ALS2: variants seen among roughly 807,000 people sequenced by gnomAD.
ALS2 encodes the protein alsin Rho guanine nucleotide exchange factor ALS2, also known as alsin.
In ALS2, 117 loss-of-function variants were observed where a neutral mutation model predicts 203.4. That is an observed-to-expected ratio of 0.58 (90% CI 0.50 to 0.67). ALS2 has a LOEUF of 0.67. Among genes scored for constraint, ALS2 ranks in the 30% least tolerant of loss-of-function variants. The pLI, the probability that ALS2 is intolerant of heterozygous loss-of-function variation, is 0.00. For synonymous variants in ALS2, 718 were observed against 725.9 expected, an observed-to-expected ratio of 0.99 and a Z score of 0.17; for missense variants, 1,715 against 1,989.4, an observed-to-expected ratio of 0.86 and a Z score of 2.62.
chr2:201,780,241 A>G (rs1694835790), intron 1 of ALS2, among the ~76,000 whole-genome samples: 1 of 152,240 alleles, frequency 6.6e-6, no homozygotes, highest in South Asian at 2.1e-4. Context: ...CACCAGCGTC[A>G]AGGACCTGTG....
chr2:201,775,908 G>C (rs1193976776), intron 1 of ALS2, among the ~76,000 whole-genome samples: 3 of 152,196 alleles, frequency 2.0e-5, no homozygotes, highest in African/African-American at 7.2e-5. Flanking sequence ...CTGGAGGTCA[G>C]AGACTATGAC....
chr2:201,709,877 T>G lies in ALS2; in HGVS notation c.4280+4A>C. On this transcript the variant is annotated splice_donor_region_variant and intron_variant, in intron 27 of 33. Coordinates refer to ENST00000264276, the MANE Select transcript of ALS2 (RefSeq NM_020919.4). ...CCGCAGACTTTAGTGAAAAGCTCTC[T>G]TACCTCACCAGCTGGAAAATTCGCT... The G allele has an allele frequency of 6.2e-7, 1 of 1,614,058 alleles. No individual in the cohort carries two copies. Among genetic ancestry groups the G allele is most frequent in the African/African-American group, 1.3e-5 (1 of 75,052 alleles).
At position 201,704,441 on chromosome 2, in the gene ALS2, A is replaced by G. The variant is rs377218529; in HGVS notation, c.4838+13T>C. 3 of 1,614,108 alleles carry G rather than the reference A, an allele frequency of 1.9e-6. No individual in the cohort carries two copies. The highest frequency in any genetic ancestry group is 2.5e-6 in the Non-Finnish European group (3 of 1,179,974). ...ATAACGACTCACTAATAACAAAGTC[A>G]TAAAACAGTTACCTGGCCCGTAGCA... On this transcript the variant is annotated intron_variant, in intron 32 of 33. Coordinates refer to ENST00000264276, the MANE Select transcript of ALS2 (RefSeq NM_020919.4).
At chr2:201,703,674 G>A (rs762498112) in intron 33 of ALS2, among the ~76,000 whole-genome samples, 1 of 152,236 alleles carries the variant, frequency 6.6e-6, no homozygotes, top group South Asian at 2.1e-4. Context: ...GATCAAAGAA[G>A]CTCATTTGTA....
chr2:201,735,012 A>G (rs1025075627), intron 12 of ALS2, among the ~76,000 whole-genome samples: 10 of 152,228 alleles, frequency 6.6e-5, no homozygotes, highest in African/African-American at 2.4e-4. Context: ...ATACAAGAGA[A>G]TATTATTCAG....
At chr2:201,713,585 A>G (rs1358681851) in intron 25 of ALS2, among the ~76,000 whole-genome samples, 1 of 152,136 alleles carries the variant, frequency 6.6e-6, no homozygotes, top group East Asian at 1.9e-4. Context: ...TTCCATTGCC[A>G]TCTCTATTCT....
At chr2:201,763,765 A>G (rs1196610424) in intron 3 of ALS2, among the ~76,000 whole-genome samples, 2 of 152,200 alleles carry the variant, frequency 1.3e-5, no homozygotes, top group Non-Finnish European at 2.9e-5. Flanking sequence ...CTATGCTACC[A>G]AGTCTTAATT....
At chr2:201,712,942 A>G (rs6734797) in intron 25 of ALS2, among the ~76,000 whole-genome samples, 135,986 of 152,078 alleles carry the variant, frequency 0.89, 61,013 homozygotes, top group East Asian at 0.98. Flanking sequence ...TTTCACTCTA[A>G]CTGCTTTCAA....
chr2:201,711,931 T>C (rs1574669037), intron 25 of ALS2, among the ~76,000 whole-genome samples: 1 of 152,212 alleles, frequency 6.6e-6, no homozygotes, highest in East Asian at 1.9e-4. Flanking sequence ...CAGGCTGTAC[T>C]AAGCTGACCA....
At chr2:201,730,988 C>T (rs1189634184) in intron 13 of ALS2, among the ~76,000 whole-genome samples, 1 of 152,144 alleles carries the variant, frequency 6.6e-6, no homozygotes, top group Non-Finnish European at 1.5e-5. Flanking sequence ...ACCTTGTGAA[C>T]CCCTTGAAAT....
intron 1 of ALS2, among the ~76,000 whole-genome samples, chr2:201,775,006 C>G (rs1034327475): frequency 3.5e-4 from 53 of 152,136 alleles, no homozygotes; most frequent in African/African-American, 1.2e-3. Context: ...TTTACACTAG[C>G]AAAACTGGGC....
intron 1 of ALS2, among the ~76,000 whole-genome samples, chr2:201,777,857 GTA>G (rs1237946277): frequency 8.5e-5 from 13 of 152,110 alleles, no homozygotes; most frequent in Non-Finnish European, 1.9e-4. Context: ...TACTTGAGAT[GTA>G]TATATGTTGG....
chr2:201,728,627 TTCC>T lies in ALS2; in HGVS notation c.2723_2725del (p.Arg908del). Reference sequence around the variant, plus strand: ...CTCACACAGCAGTCGACGCTCTGGCTTCCTCAAGGAATCCTGGAATTAAAGACA... The same window carrying T: ...CTCACACAGCAGTCGACGCTCTGGCTTCAAGGAATCCTGGAATTAAAGACA... On this transcript the variant is annotated inframe_deletion, in exon 15 of 34. Coordinates refer to ENST00000264276, the MANE Select transcript of ALS2 (RefSeq NM_020919.4). 1 of 1,614,084 alleles carries T rather than the reference TTCC, an allele frequency of 6.2e-7. No homozygotes were observed. Among genetic ancestry groups the T allele is most frequent in the Non-Finnish European group, 8.5e-7 (1 of 1,179,994 alleles).
chr2:201,728,029 CTT>C (rs1053456222), intron 15 of ALS2, among the ~76,000 whole-genome samples: 1 of 152,192 alleles, frequency 6.6e-6, no homozygotes, highest in African/African-American at 2.4e-5. Flanking sequence ...AAGCTGGAAA[CTT>C]AAGAAGTTCT....
At position 201,701,834 on chromosome 2, in the gene ALS2, T is replaced by C; in HGVS notation, c.*17A>G. 8 of 1,613,180 alleles carry C rather than the reference T, an allele frequency of 5.0e-6. No individual in the cohort carries two copies. Among genetic ancestry groups the C allele is most frequent in the Non-Finnish European group, 6.8e-6 (8 of 1,179,288 alleles). On this transcript the variant is annotated 3_prime_UTR_variant, in exon 34 of 34. Coordinates refer to ENST00000264276, the MANE Select transcript of ALS2 (RefSeq NM_020919.4). ...CACTCTGTAGTAGATAATCCAGTTT[T>C]CAAGCTGTTATGCAGCCTAGTTAAG...
chr2:201,728,202 C>T (rs957914831), intron 15 of ALS2, among the ~76,000 whole-genome samples: 2 of 152,252 alleles, frequency 1.3e-5, no homozygotes, highest in East Asian at 1.9e-4. Flanking sequence ...CCCATTAACT[C>T]GTCACTTACA....
chr2:201,771,874 C>T (rs1420909112), intron 1 of ALS2, among the ~76,000 whole-genome samples: 3 of 152,142 alleles, frequency 2.0e-5, no homozygotes, highest in Admixed American at 2.0e-4. Flanking sequence ...AGTAACTTTC[C>T]TGCATAGACC....
intron 8 of ALS2, among the ~76,000 whole-genome samples, chr2:201,747,277 A>G (rs571349331): frequency 1.3e-5 from 2 of 152,264 alleles, no homozygotes; most frequent in East Asian, 3.9e-4. Context: ...GCCTACTCCC[A>G]GGATGTTAAA....
chr2:201,725,348 A>G lies in ALS2; in HGVS notation c.3347+8T>C, dbSNP rs766421649. On this transcript the variant is annotated splice_region_variant and intron_variant, in intron 20 of 33. Transcript: ENST00000264276. ...CAAACACCAGTCCAACAGCCTTTCCAATGTTACCTGTAGACTCCTTGACCG... is the reference window on the plus strand; with the variant it reads ...CAAACACCAGTCCAACAGCCTTTCCGATGTTACCTGTAGACTCCTTGACCG... 1 of 1,610,292 alleles carries G rather than the reference A, an allele frequency of 6.2e-7. No individual in the cohort carries two copies. Among genetic ancestry groups the G allele is most frequent in the Non-Finnish European group, 8.5e-7 (1 of 1,176,552 alleles).
Sources: gnomAD v4.1 joint callset for allele counts (sites outside exome capture counted in the v4.1 genomes callset) on GRCh38, gnomAD v4.1.1 for gene constraint, MANE v1.5 for transcripts, NCBI Gene and HGNC (gene_info 2026-07-23, HGNC 2026-07-21) for gene names.